The following BLTP1 variants were observed in gnomAD, a reference collection of about 807,000 sequenced individuals.
BLTP1 encodes fragile site-associated protein.
At chr4:122,244,360 G>T in the BLTP1 span, among the ~76,000 whole-genome samples, 3 of 151,912 alleles carry the variant, frequency 2.0e-5, no homozygotes, top group South Asian at 6.2e-4. Context: ...TGGAACCCGC[G>T]GATCAAAAAA....
the BLTP1 span, among the ~76,000 whole-genome samples, chr4:122,286,058 T>C: frequency 1.3e-5 from 2 of 152,222 alleles, no homozygotes; most frequent in Non-Finnish European, 2.9e-5. Context: ...TTTTATACTT[T>C]ATGAATGTTT....
the BLTP1 span, chr4:122,289,470 C>T: frequency 1.5e-5 from 15 of 980,254 alleles, no homozygotes; most frequent in Non-Finnish European, 1.7e-5. Flanking sequence ...TGTCTATTAA[C>T]CAAATTAATC....
chr4:122,187,300 A>G, the BLTP1 span: 2 of 1,438,364 alleles, frequency 1.4e-6, no homozygotes, highest in Non-Finnish European at 1.8e-6. Flanking sequence ...TGTTCTGTTT[A>G]CTGAAGTAGT....
At chr4:122,329,958 T>C in the BLTP1 span, among the ~76,000 whole-genome samples, 1 of 151,792 alleles carries the variant, frequency 6.6e-6, no homozygotes, top group African/African-American at 2.4e-5. Flanking sequence ...AGATACCTCA[T>C]GTAAGTGGAA....
At chr4:122,277,803 T>C in the BLTP1 span, 2 of 820,686 alleles carry the variant, frequency 2.4e-6, no homozygotes, top group East Asian at 1.2e-4. Context: ...TTAAGAAGTA[T>C]AGTGAATATT....
the BLTP1 span, chr4:122,280,274 G>A: frequency 2.9e-6 from 2 of 699,476 alleles, no homozygotes; most frequent in Non-Finnish European, 3.5e-6. Context: ...AAGCAAATTG[G>A]TGAATTCCAG....
the BLTP1 span, among the ~76,000 whole-genome samples, chr4:122,264,722 A>C: frequency 6.6e-6 from 1 of 152,252 alleles, no homozygotes; most frequent in African/African-American, 2.4e-5. Flanking sequence ...TATGGTTTTT[A>C]GTGCTACGTT....
the BLTP1 span, chr4:122,356,524 GTTGCAT>G: frequency 8.0e-7 from 1 of 1,257,432 alleles, no homozygotes. Context: ...TTTCTTTACA[GTTGCAT>G]TTCATGTGGA....
chr4:122,234,885 T>G, the BLTP1 span: 1 of 1,613,964 alleles, frequency 6.2e-7, no homozygotes, highest in Non-Finnish European at 8.5e-7. Context: ...CCTAGATTTC[T>G]TCAAACTTGA....
chr4:122,201,471 G>A, the BLTP1 span, among the ~76,000 whole-genome samples: 1 of 152,064 alleles, frequency 6.6e-6, no homozygotes, highest in African/African-American at 2.4e-5. Context: ...TCATTATTTT[G>A]TTTTAATAAT....
the BLTP1 span, chr4:122,254,245 T>G: frequency 1.2e-6 from 2 of 1,611,378 alleles, no homozygotes; most frequent in African/African-American, 1.3e-5. Context: ...CTCTGATGCC[T>G]CCTCCTCCAG....
chr4:122,246,000 G>C, the BLTP1 span: 13 of 748,928 alleles, frequency 1.7e-5, no homozygotes, highest in Admixed American at 4.8e-4. Context: ...CTAGCTTATC[G>C]AAAGTTTGGA....
the BLTP1 span, chr4:122,362,203 C>T: frequency 1.2e-6 from 2 of 1,612,988 alleles, no homozygotes; most frequent in Non-Finnish European, 1.7e-6. Flanking sequence ...TACTGCACTA[C>T]AGGATGAAAA....
At chr4:122,196,595 T>G in the BLTP1 span, 23 of 1,518,506 alleles carry the variant, frequency 1.5e-5, no homozygotes, top group Non-Finnish European at 1.9e-5. Flanking sequence ...TAATTTTGTT[T>G]GAATAACATG....
At chr4:122,200,302 A>T in the BLTP1 span, 6 of 983,506 alleles carry the variant, frequency 6.1e-6, no homozygotes, top group Non-Finnish European at 7.2e-6. Context: ...ACTGCGCAGG[A>T]TGTGGTGACT....
chr4:122,189,661 T>C, the BLTP1 span: 2 of 931,774 alleles, frequency 2.1e-6, no homozygotes, highest in Non-Finnish European at 2.6e-6. Context: ...TAAACTTTGT[T>C]TTAAATCGAT....
chr4:122,221,011 T>A, the BLTP1 span: 134 of 802,508 alleles, frequency 1.7e-4, 3 homozygotes, highest in South Asian at 6.5e-3. Context: ...ATAATTTTAT[T>A]ATTTTTTTCA....
At chr4:122,262,999 T>C in the BLTP1 span, 1 of 1,609,620 alleles carries the variant, frequency 6.2e-7, no homozygotes, top group Admixed American at 1.7e-5. Context: ...TCCTCTAGAT[T>C]TGATAATTAC....
chr4:122,300,752 G>T, the BLTP1 span: 1 of 250,172 alleles, frequency 4.0e-6, no homozygotes, highest in Admixed American at 6.5e-5. Context: ...GACTCCCTGG[G>T]ATGATGATCA....
Sources: allele counts gnomAD v4.1 joint callset (sites outside exome capture counted in the v4.1 genomes callset), GRCh38; gene constraint gnomAD v4.1.1; transcripts MANE v1.5; gene names NCBI Gene and HGNC (gene_info 2026-07-23, HGNC 2026-07-21).